The following HIRA variants were observed in gnomAD, a reference collection of about 807,000 sequenced individuals.
HIRA encodes protein HIRA.
Under a neutral mutation model 126.6 loss-of-function variants are expected in HIRA, and 13 were observed. The observed-to-expected ratio is 0.10, with a 90% CI of 0.07 to 0.16. HIRA has a LOEUF of 0.16. Among genes scored for constraint, HIRA ranks in the 10% least tolerant of loss-of-function variants. The pLI is 1.00. For missense variants in HIRA, 834 were observed against 1,314.4 expected (o/e 0.63, Z 5.65); for synonymous variants, 511 against 520.0 (o/e 0.98, Z 0.24).
chr22:19,364,015 T>G (rs1253935638), intron 15 of HIRA, among the ~76,000 whole-genome samples: 1 of 152,130 alleles, frequency 6.6e-6, no homozygotes, highest in Non-Finnish European at 1.5e-5. Context: ...ATGTAAACTT[T>G]GGGTGACGGT....
chr22:19,410,804 G>GTATC, intron 1 of HIRA, 26 bp from the exon 2 acceptor site: 2 of 1,595,832 alleles, frequency 1.3e-6, no homozygotes, highest in East Asian at 4.5e-5. Flanking sequence ...AAAAAATACA[G>GTATC]TATCTAAATT....
intron 15 of HIRA, among the ~76,000 whole-genome samples, chr22:19,368,038 A>G (rs2088929570): frequency 6.6e-6 from 1 of 152,180 alleles, no homozygotes; most frequent in Admixed American, 6.5e-5. Flanking sequence ...CACAGGTGCT[A>G]TCACTGATCT....
intron 15 of HIRA, among the ~76,000 whole-genome samples, chr22:19,373,458 A>C (rs1406264890): frequency 1.3e-5 from 2 of 152,196 alleles, no homozygotes; most frequent in East Asian, 3.8e-4. Context: ...TGATCATCTA[A>C]ACAGTGCTTT....
intron 11 of HIRA, among the ~76,000 whole-genome samples, chr22:19,385,981 GAC>G (rs1409877196): frequency 2.6e-5 from 4 of 152,194 alleles, no homozygotes; most frequent in Non-Finnish European, 4.4e-5. Context: ...CAGTAAATGA[GAC>G]AGCCAACAAG....
chr22:19,331,373 T>C lies in HIRA; in HGVS notation c.*67A>G. The stretch of plus-strand genomic sequence containing the variant: ...TACAGCCTGGTCAGGTGAGAGGCGG[T>C]CCTGCATGTCATCAGCGGCGAGAGT... On this transcript the variant is annotated 3_prime_UTR_variant, in exon 25 of 25. Coordinates refer to ENST00000263208, the MANE Select transcript of HIRA (RefSeq NM_003325.4). 1 of 1,608,212 alleles carries C rather than the reference T, an allele frequency of 6.2e-7. No individual in the cohort carries two copies.
chr22:19,361,286 A>G lies in HIRA; in HGVS notation c.2036T>C (p.Leu679Pro), dbSNP rs2088861292. Residue 679 changes from leucine to proline, a missense_variant, in exon 17 of 25, where the codon CTT (leucine) becomes CCT (proline). Leu to Pro is a moderately conservative substitution (Grantham distance 98). Coordinates refer to ENST00000263208, the MANE Select transcript of HIRA (RefSeq NM_003325.4). ...KEAMCLSAPA[L>P]ALKLPIPSPQ... is the part of the protein sequence containing the mutation. Reference sequence around the variant, plus strand: ...GCTTGGAATTGGCAGCTTCAGTGCAAGTGCTGGTGCAGACAGACACATGGC... The same window carrying G: ...GCTTGGAATTGGCAGCTTCAGTGCAGGTGCTGGTGCAGACAGACACATGGC... 6.2e-7 allele frequency: 1 copy of G among 1,614,218 alleles called. No homozygotes were observed. Among genetic ancestry groups the G allele is most frequent in the Non-Finnish European group, 8.5e-7 (1 of 1,180,034 alleles).
Position 19,429,159 on chromosome 22 carries a change from G to C in HIRA, c.37+2281C>G, listed in dbSNP as rs189255208. Among the ~76,000 whole-genome samples the C allele has an allele frequency of 0.022, 409 of 18,948 alleles. 19 individuals are homozygous for C. In the East Asian group the frequency reaches 0.23, roughly 11 times the overall value. 12.4% of individuals were successfully genotyped at this position (18,948 alleles called of 152,430 possible). A position where few individuals can be genotyped will look rare whatever the true frequency, so the allele number is the denominator to read the frequency against. ...TTTTTTTTTTTTTTTTTTTTTTTTT[G>C]AGATGGAGTCTCACTGTCATCAGGC... On this transcript the variant is annotated intron_variant, in intron 1 of 24. Coordinates refer to ENST00000263208, the MANE Select transcript of HIRA (RefSeq NM_003325.4).
Position 19,387,734 on chromosome 22 carries a change from C to T in HIRA, c.1090G>A (p.Asp364Asn), listed in dbSNP as rs750413882. The change falls in exon 11 of 25, where the codon GAT (aspartate) becomes AAT (asparagine). Residue 364 changes from aspartate to asparagine, a missense_variant. By Grantham distance (23) the Asp-to-Asn change is conservative. Around this residue, in one of 5 missense-constraint regions of HIRA, gnomAD observed 153 missense variants for 270.6 expected, o/e 0.57. Transcript: ENST00000263208. ...ACCTTCTCCTCCTCGCTCAGGGGAT[C>T]GCCAAGCTCATCCTGGGAGAAGTCG... ...FLDFSQDELG[D>N]PLSEEEKSRI... is the part of the protein sequence containing the mutation. 5.0e-6 allele frequency: 8 copies of T among 1,613,872 alleles called. No homozygotes were observed. The highest frequency in any genetic ancestry group is 3.3e-5 in the Admixed American group (2 of 60,002).
intron 17 of HIRA, among the ~76,000 whole-genome samples, chr22:19,360,992 C>T (rs2088858168): frequency 6.6e-6 from 1 of 152,206 alleles, no homozygotes; most frequent in South Asian, 2.1e-4. Context: ...GTGGTAATGG[C>T]AGCCCCAGCA....
intron 1 of HIRA, among the ~76,000 whole-genome samples, chr22:19,414,860 C>A (rs555887436): frequency 6.6e-6 from 1 of 152,176 alleles, no homozygotes; most frequent in South Asian, 2.1e-4. Context: ...GCACTCCAGC[C>A]TGGGTGACAG....
chr22:19,362,045 C>T, intron 15 of HIRA, 114 bp from the exon 16 acceptor site: 2 of 971,264 alleles, frequency 2.1e-6, no homozygotes, highest in East Asian at 5.0e-5. Context: ...AATTCTGTGT[C>T]CAGTGAAATT....
chr22:19,384,942 C>T (rs1347864518), intron 12 of HIRA, among the ~76,000 whole-genome samples: 1 of 152,088 alleles, frequency 6.6e-6, no homozygotes, highest in African/African-American at 2.4e-5. Flanking sequence ...GGGTGAGCCA[C>T]TGCGCCTGGC....
At position 19,431,366 on chromosome 22, in the gene HIRA, C is replaced by A. The variant is rs1177602810; in HGVS notation, c.37+74G>T. On this transcript the variant is annotated intron_variant, in intron 1 of 24. Coordinates refer to ENST00000263208, the MANE Select transcript of HIRA (RefSeq NM_003325.4). ...TCAGGGGCGAGACAGGCAGGACTTG[C>A]GCGCGCCCCGACTCGACTCCAGACC... 3.3e-6 allele frequency: 5 copies of A among 1,518,890 alleles called. No individual in the cohort carries two copies. The East Asian group carries it at 9.1e-5, about 28-fold the overall frequency. 94.1% of individuals were successfully genotyped at this position (1,518,890 alleles called of 1,614,324 possible).
At chr22:19,382,213 AAT>A in intron 13 of HIRA, among the ~76,000 whole-genome samples, 1 of 152,192 alleles carries the variant, frequency 6.6e-6, no homozygotes, top group African/African-American at 2.4e-5. Flanking sequence ...TGATGCTAGA[AAT>A]ATGCATCCTA....
intron 13 of HIRA, among the ~76,000 whole-genome samples, chr22:19,383,296 T>C (rs1344821546): frequency 6.6e-6 from 1 of 151,818 alleles, no homozygotes; most frequent in African/African-American, 2.4e-5. Context: ...AATAACTTTA[T>C]GAAAGAAAAA....
chr22:19,380,523 T>C (rs1018467609), intron 13 of HIRA, among the ~76,000 whole-genome samples: 7 of 152,258 alleles, frequency 4.6e-5, no homozygotes, highest in African/African-American at 1.4e-4. Flanking sequence ...TTTTAAGTCT[T>C]AATTTCTGGT....
intron 8 of HIRA, 73 bp from the exon 9 acceptor site, chr22:19,392,287 C>A: frequency 1.2e-6 from 1 of 851,416 alleles, no homozygotes; most frequent in Non-Finnish European, 1.9e-6. Context: ...AAGTCCCAGC[C>A]CACTGAAGGG....
chr22:19,356,311 T>C, intron 19 of HIRA, 23 bp from the exon 20 acceptor site: 1 of 1,609,474 alleles, frequency 6.2e-7, no homozygotes, highest in Non-Finnish European at 8.5e-7. Flanking sequence ...CAGGGAACAG[T>C]TTACTCACCA....
intron 9 of HIRA, among the ~76,000 whole-genome samples, chr22:19,391,821 C>T (rs2089185189): frequency 6.6e-6 from 1 of 152,160 alleles, no homozygotes; most frequent in Non-Finnish European, 1.5e-5. Flanking sequence ...CAACATGCTG[C>T]TCATGGCATT....
Sources: allele counts gnomAD v4.1 joint callset (sites outside exome capture counted in the v4.1 genomes callset), GRCh38; gene constraint gnomAD v4.1.1; regional missense constraint gnomAD v4.1.1; transcripts MANE v1.5; gene names NCBI Gene and HGNC (gene_info 2026-07-23, HGNC 2026-07-21).